DIS3L2: variants seen among roughly 807,000 people sequenced by gnomAD.
DIS3L2 encodes the protein DIS3 like 3'-5' exoribonuclease 2, also known as DIS3-like exonuclease 2.
In DIS3L2, 34 loss-of-function variants were observed where a neutral mutation model predicts 97.5. The ratio of observed to expected loss-of-function variants is 0.35; its 90% CI spans 0.27 to 0.46. The LOEUF is 0.46. DIS3L2 is among the 20% of genes least tolerant of loss of function. The probability of loss-of-function intolerance (pLI) is 1.00; values close to 1 mark genes in which losing one functional copy is unlikely to be tolerated. For synonymous variants in DIS3L2, 435 were observed against 445.2 expected (o/e 0.98, Z 0.29); for missense variants, 1,038 against 1,146.0 (o/e 0.91, Z 1.36).
chr2:232,166,694 G>A (rs1036504542), intron 9 of DIS3L2, among the ~76,000 whole-genome samples: 7 of 151,858 alleles, frequency 4.6e-5, no homozygotes, highest in Admixed American at 2.0e-4. Flanking sequence ...CCAGCGTGGC[G>A]ACAGAACGAG....
At chr2:232,338,318 T>A (rs939532638), downstream of DIS3L2, among the ~76,000 whole-genome samples, 7 of 152,134 alleles carry the variant, frequency 4.6e-5, no homozygotes, top group Admixed American at 3.3e-4. Context: ...GACGGACACC[T>A]GTCCCTATGT....
chr2:232,280,060 A>C (rs1694243101), intron 13 of DIS3L2, among the ~76,000 whole-genome samples: 1 of 152,226 alleles, frequency 6.6e-6, no homozygotes, highest in Non-Finnish European at 1.5e-5. Context: ...ACCTTTGACT[A>C]ACCCAAGGTC....
chr2:232,329,794 T>TGC lies in DIS3L2; in HGVS notation c.1740-19_1740-18insGC. 1.2e-5 allele frequency: 2 copies of TGC among 161,352 alleles called. No homozygotes were observed. Among genetic ancestry groups the TGC allele is most frequent in the Non-Finnish European group, 2.4e-5 (2 of 84,672 alleles). 10.0% of individuals were successfully genotyped at this position (161,352 alleles called of 1,614,324 possible). A position where few individuals can be genotyped will look rare whatever the true frequency, so the allele number is the denominator to read the frequency against. ...CCCCAAACCCCAGCGGTCCCTCCCATCCCACCCACCCTCTGCAGGCTCGTG... is the reference window on the plus strand; with the variant it reads ...CCCCAAACCCCAGCGGTCCCTCCCATGCCCCACCCACCCTCTGCAGGCTCGTG... On this transcript the variant is annotated intron_variant, in intron 14 of 20. Coordinates refer to ENST00000325385, the MANE Select transcript of DIS3L2 (RefSeq NM_152383.5).
chr2:232,183,820 C>T (rs1178837595), intron 9 of DIS3L2, among the ~76,000 whole-genome samples: 4 of 152,112 alleles, frequency 2.6e-5, no homozygotes, highest in African/African-American at 4.8e-5. Flanking sequence ...TAAGCAAACC[C>T]GGTAAATGGG....
Position 232,086,774 on chromosome 2 carries a change from G to C in DIS3L2, c.367-713G>C, listed in dbSNP as rs189247611. Among the ~76,000 whole-genome samples, 81 of 149,946 alleles carry C rather than the reference G, an allele frequency of 5.4e-4. 1 individual carries two copies. The East Asian group carries it at 0.015, about 27-fold the overall frequency. On this transcript the variant is annotated intron_variant, in intron 5 of 20. Transcript: ENST00000325385. The stretch of plus-strand genomic sequence containing the variant: ...GGCTCGCTGCAAGCTCCGCCTCCTG[G>C]GTTCACACCATTCTCCTGCCTCAGC...
At chr2:232,315,411 C>T (rs2106334219) in intron 14 of DIS3L2, among the ~76,000 whole-genome samples, 1 of 152,328 alleles carries the variant, frequency 6.6e-6, no homozygotes, top group East Asian at 1.9e-4. Context: ...TGGGTTTGAG[C>T]CTGAAGAAAG....
At chr2:232,125,506 CT>C (rs1698039083) in intron 6 of DIS3L2, among the ~76,000 whole-genome samples, 1 of 152,316 alleles carries the variant, frequency 6.6e-6, no homozygotes, top group Admixed American at 6.5e-5. Flanking sequence ...CTGGCTCCCC[CT>C]CTTCACTACT....
chr2:232,265,683 T>C (rs1486239477), intron 13 of DIS3L2, among the ~76,000 whole-genome samples: 2 of 152,218 alleles, frequency 1.3e-5, no homozygotes, highest in Non-Finnish European at 2.9e-5. Flanking sequence ...CTAAGTTAAA[T>C]GTTTTGGAAA....
intron 13 of DIS3L2, among the ~76,000 whole-genome samples, chr2:232,282,759 G>A (rs1462357961): frequency 6.6e-6 from 1 of 152,174 alleles, no homozygotes; most frequent in African/African-American, 2.4e-5. Context: ...GCTGCTGGGG[G>A]CCTCTGCACA....
At chr2:232,171,040 G>T (rs1391800717) in intron 9 of DIS3L2, among the ~76,000 whole-genome samples, 2 of 152,194 alleles carry the variant, frequency 1.3e-5, no homozygotes, top group Non-Finnish European at 2.9e-5. Flanking sequence ...TGGTAAGACA[G>T]TGTGGTAGCA....
chr2:232,108,117 A>G (rs568219861), intron 6 of DIS3L2, among the ~76,000 whole-genome samples: 1 of 152,332 alleles, frequency 6.6e-6, no homozygotes, highest in Admixed American at 6.5e-5. Flanking sequence ...GATGAACATC[A>G]GTGTAAAAAT....
At chr2:232,103,703 C>T (rs1697273810) in intron 6 of DIS3L2, among the ~76,000 whole-genome samples, 2 of 152,046 alleles carry the variant, frequency 1.3e-5, no homozygotes, top group Admixed American at 1.3e-4. Flanking sequence ...TTTCTCATTG[C>T]CTTGGAATAG....
At chr2:231,998,603 A>G (rs890424316) in intron 1 of DIS3L2, among the ~76,000 whole-genome samples, 3 of 152,170 alleles carry the variant, frequency 2.0e-5, no homozygotes, top group Admixed American at 1.3e-4. Context: ...CACCCTCAAG[A>G]TAGATTTTCC....
Position 232,136,665 on chromosome 2 carries a change from C to T in DIS3L2, c.896C>T (p.Thr299Ile), listed in dbSNP as rs2106355567. 6.2e-7 allele frequency: 1 copy of T among 1,613,918 alleles called. No individual in the cohort carries two copies. The highest frequency in any genetic ancestry group is 8.5e-7 in the Non-Finnish European group (1 of 1,179,930). Residue 299 changes from threonine (T) to isoleucine (I), a missense_variant, in exon 8 of 21, where the codon ACA becomes ATA. Physicochemically the swap from Thr to Ile is moderately conservative, Grantham distance 89 (BLOSUM62 -1). This residue lies in a region of DIS3L2 where 813 missense variants were observed against 880.1 expected (regional missense o/e 0.92). Transcript: ENST00000325385. Reference sequence around the variant, plus strand: ...GCACGGCCTAAAGATTATGCCAACACACTGTTCATCTGCCGCATTGTGGAC... The same window carrying T: ...GCACGGCCTAAAGATTATGCCAACATACTGTTCATCTGCCGCATTGTGGAC... ...FVARPKDYAN[T>I]LFICRIVDWK... is the part of the protein sequence containing the mutation.
intron 5 of DIS3L2, among the ~76,000 whole-genome samples, chr2:232,069,708 G>A (rs1695955602): frequency 6.6e-6 from 1 of 152,130 alleles, no homozygotes; most frequent in African/African-American, 2.4e-5. Flanking sequence ...CTAAGAGGAT[G>A]GAATGTAATT....
At chr2:232,235,121 G>C (rs1692896907) in intron 10 of DIS3L2, among the ~76,000 whole-genome samples, 1 of 152,220 alleles carries the variant, frequency 6.6e-6, no homozygotes, top group Non-Finnish European at 1.5e-5. Flanking sequence ...GTGGACCCTA[G>C]GCAAAGTGAG....
At chr2:232,274,188 C>T (rs1489428270) in intron 13 of DIS3L2, among the ~76,000 whole-genome samples, 1 of 152,186 alleles carries the variant, frequency 6.6e-6, no homozygotes, top group African/African-American at 2.4e-5. Flanking sequence ...CCCCAGCCAG[C>T]ACCCCTTGTT....
At chr2:232,168,314 A>ACTTTT (rs1229026941) in intron 9 of DIS3L2, among the ~76,000 whole-genome samples, 3 of 152,192 alleles carry the variant, frequency 2.0e-5, no homozygotes, top group Non-Finnish European at 4.4e-5. Context: ...TTCCTAAAGT[A>ACTTTT]TCTGATAGGT....
At chr2:232,087,882 G>C in intron 6 of DIS3L2, 161 bp downstream of exon 6, 2 of 611,306 alleles carry the variant, frequency 3.3e-6, no homozygotes, top group Admixed American at 2.9e-5. Flanking sequence ...AGGTTTAGCT[G>C]CTGGTTATGA....
Sources: gnomAD v4.1 joint callset for allele counts (sites outside exome capture counted in the v4.1 genomes callset) on GRCh38, gnomAD v4.1.1 for gene constraint, gnomAD v4.1.1 regional missense constraint, MANE v1.5 for transcripts, NCBI Gene and HGNC (gene_info 2026-07-23, HGNC 2026-07-21) for gene names.